Variants in DNAH14 observed in about 807,000 individuals in gnomAD.
DNAH14 encodes the protein axonemal beta dynein heavy chain 14.
A neutral mutation model predicts 520.9 loss-of-function variants in DNAH14; 478 were observed. That is an observed-to-expected ratio of 0.92 (90% CI 0.85 to 0.99). The LOEUF is 0.99. Among genes scored for constraint, DNAH14 ranks in the 50% least tolerant of loss-of-function variants. The probability of loss-of-function intolerance (pLI) is 0.00; values close to 1 mark genes in which losing one functional copy is unlikely to be tolerated. For synonymous variants in DNAH14, 1,581 were observed against 1,757.2 expected (o/e 0.90, Z 2.51); for missense variants, 4,831 against 5,234.5 (o/e 0.92, Z 2.38).
chr1:225,273,290 G>A (rs996906015), intron 52 of DNAH14, among the ~76,000 whole-genome samples, 165 bp downstream of exon 52: 1 of 152,134 alleles, frequency 6.6e-6, no homozygotes, highest in Non-Finnish European at 1.5e-5. Context: ...AAATTAGCCG[G>A]GCGTGGTGAT....
chr1:225,007,850 G>A (rs548536869), intron 10 of DNAH14, among the ~76,000 whole-genome samples: 1 of 151,712 alleles, frequency 6.6e-6, no homozygotes, highest in South Asian at 2.1e-4. Context: ...GTGGCCAAGA[G>A]AATCACCTAG....
At chr1:225,129,881 A>C (rs983716612) in intron 27 of DNAH14, among the ~76,000 whole-genome samples, 4 of 152,244 alleles carry the variant, frequency 2.6e-5, no homozygotes, top group Non-Finnish European at 5.9e-5. Context: ...GTGAATAGGC[A>C]ATCCACAAAA....
chr1:225,155,036 T>C (rs1032153569), intron 34 of DNAH14, among the ~76,000 whole-genome samples: 15 of 152,056 alleles, frequency 9.9e-5, no homozygotes, highest in African/African-American at 3.1e-4. Context: ...GAAAATACAC[T>C]CAACCCCACA....
At chr1:225,072,907 C>A (rs1487629873) in intron 17 of DNAH14, among the ~76,000 whole-genome samples, 1 of 152,016 alleles carries the variant, frequency 6.6e-6, no homozygotes, top group African/African-American at 2.4e-5. Context: ...TAAGGACCAG[C>A]TGCCAGCCTG....
chr1:225,300,990 A>C lies in DNAH14; in HGVS notation c.8591A>C (p.His2864Pro). ...KIRYLTEQSG[H>P]MDNRQSLLSF... ...AGATATCTTACTGAACAATCTGGTC[A>C]TATGGATAATAGGCAATCTTTACTT... The change falls in exon 56 of 86, where the codon CAT (histidine) becomes CCT (proline). Residue 2864 changes from histidine to proline, a missense_variant. Physicochemically the swap from His to Pro is moderately conservative, Grantham distance 77. Coordinates refer to ENST00000682510, the MANE Select transcript of DNAH14 (RefSeq NM_001367479.1). 1 of 1,550,814 alleles carries C rather than the reference A, an allele frequency of 6.4e-7. No individual in the cohort carries two copies. The highest frequency in any genetic ancestry group is 1.7e-4 in the Middle Eastern group (1 of 5,968).
intron 38 of DNAH14, 66 bp from the exon 39 acceptor site, chr1:225,204,117 A>G (rs1177285968): frequency 6.1e-6 from 5 of 813,028 alleles, no homozygotes; most frequent in African/African-American, 3.6e-5. Flanking sequence ...ATATTGACAT[A>G]TAATCCATTG....
At chr1:225,137,350 T>G (rs2079034620) in intron 27 of DNAH14, among the ~76,000 whole-genome samples, 1 of 151,992 alleles carries the variant, frequency 6.6e-6, no homozygotes, top group Non-Finnish European at 1.5e-5. Context: ...TGTTGTTGTT[T>G]TCTGTTTTGT....
At chr1:225,347,988 G>A (rs903348072) in intron 71 of DNAH14, among the ~76,000 whole-genome samples, 1 of 152,082 alleles carries the variant, frequency 6.6e-6, no homozygotes, top group African/African-American at 2.4e-5. Context: ...TCAGTTAAAT[G>A]ATGCATGAAC....
Position 225,152,081 on chromosome 1 carries a change from T to C in DNAH14, c.5009+8T>C. ...TATCACCATGAATCCCAGGTAAGTA[T>C]CAGTAAATCTAGTGGGAATAGACAC... On this transcript the variant is annotated splice_region_variant and intron_variant, in intron 32 of 85. Coordinates refer to ENST00000682510, the MANE Select transcript of DNAH14 (RefSeq NM_001367479.1). 2 of 1,546,882 alleles carry C rather than the reference T, an allele frequency of 1.3e-6. No individual in the cohort carries two copies. The highest frequency in any genetic ancestry group is 1.7e-6 in the Non-Finnish European group (2 of 1,144,848).
At chr1:225,080,167 A>G (rs897796796) in intron 18 of DNAH14, among the ~76,000 whole-genome samples, 8 of 152,190 alleles carry the variant, frequency 5.3e-5, no homozygotes, top group Non-Finnish European at 1.2e-4. Flanking sequence ...AGACTGCCAA[A>G]TGGGCTCATG....
intron 66 of DNAH14, among the ~76,000 whole-genome samples, chr1:225,334,624 A>G (rs953242139): frequency 7.1e-6 from 1 of 139,914 alleles, no homozygotes; most frequent in Non-Finnish European, 1.7e-5. Context: ...AGAAAAGTTT[A>G]TTTTTCAATA....
intron 28 of DNAH14, among the ~76,000 whole-genome samples, chr1:225,143,963 A>G (rs1451592790): frequency 6.6e-6 from 1 of 152,216 alleles, no homozygotes; most frequent in Admixed American, 6.5e-5. Flanking sequence ...ATTTCTACAA[A>G]GTTCAATTTG....
Position 225,099,781 on chromosome 1 carries a change from T to C in DNAH14, c.3696-932T>C, listed in dbSNP as rs1038010926. On this transcript the variant is annotated intron_variant, in intron 22 of 85. Coordinates refer to ENST00000682510, the MANE Select transcript of DNAH14 (RefSeq NM_001367479.1). ...AATGGTGCAATATAGAGGTTCCTGT[T>C]GGGGTACTCTGAAATCTCCAGCAAT... Among the ~76,000 whole-genome samples, 108 of 152,126 alleles carry C rather than the reference T, an allele frequency of 7.1e-4. 1 individual carries two copies. The highest frequency in any genetic ancestry group is 1.2e-4 in the Non-Finnish European group (8 of 68,026).
chr1:225,219,897 GA>G (rs2089868335), intron 41 of DNAH14, among the ~76,000 whole-genome samples: 1 of 152,048 alleles, frequency 6.6e-6, no homozygotes, highest in South Asian at 2.1e-4. Flanking sequence ...ACATCAATGT[GA>G]AAATCCTCAA....
chr1:225,172,581 G>C (rs1157358508), intron 36 of DNAH14, among the ~76,000 whole-genome samples: 1 of 152,152 alleles, frequency 6.6e-6, no homozygotes, highest in Non-Finnish European at 1.5e-5. Context: ...TCTTCAAGGA[G>C]AATTACAAAC....
intron 17 of DNAH14, among the ~76,000 whole-genome samples, chr1:225,062,543 C>T (rs1268213871): frequency 1.4e-5 from 1 of 72,562 alleles, no homozygotes; most frequent in Non-Finnish European, 4.6e-5. Context: ...AAGAAGGAAG[C>T]TATGAAGAAA....
At chr1:225,265,421 T>C in intron 48 of DNAH14, 52 bp downstream of exon 48, 15 of 1,415,382 alleles carry the variant, frequency 1.1e-5, no homozygotes, top group Middle Eastern at 1.9e-4. Flanking sequence ...AGTCAAGTGA[T>C]AGTTTATTTT....
chr1:225,392,357 TCACCCACC>T lies in DNAH14; in HGVS notation c.13398_13405del (p.Phe4466LeufsTer8). The T allele has an allele frequency of 6.4e-7, 1 of 1,552,300 alleles. No homozygotes were observed. On this transcript the variant is annotated frameshift_variant, in exon 84 of 86. Transcript: ENST00000682510. LOFTEE classifies it high-confidence loss of function. ...GGAATCGCTGTGGATGCCCTCACCTTCACCCACCATGTGATTTCCAACACCACTGACAA... is the reference window on the plus strand; with the variant it reads ...GGAATCGCTGTGGATGCCCTCACCTTATGTGATTTCCAACACCACTGACAA...
Position 225,277,401 on chromosome 1 carries a change from A to C in DNAH14, c.8179-9A>C, listed in dbSNP as rs2093512359. ...ATAATCCATTTATTTGTCACATTTG[A>C]TCTGCTAGCTTTCTCATTCCATGGT... is the stretch of plus-strand genomic sequence containing the variant. On this transcript the variant is annotated splice_polypyrimidine_tract_variant and intron_variant, in intron 53 of 85. Coordinates refer to ENST00000682510, the MANE Select transcript of DNAH14 (RefSeq NM_001367479.1). 2.1e-6 allele frequency: 1 copy of C among 466,886 alleles called. No individual in the cohort carries two copies. Among genetic ancestry groups the C allele is most frequent in the Non-Finnish European group, 4.4e-6 (1 of 225,006 alleles). The allele number at this position is 466,886 out of a possible 1,614,324, so 28.9% of individuals were successfully genotyped here.
Sources: gnomAD v4.1 joint callset for allele counts (sites outside exome capture counted in the v4.1 genomes callset) on GRCh38, gnomAD v4.1.1 for gene constraint, MANE v1.5 for transcripts, NCBI Gene and HGNC (gene_info 2026-07-23, HGNC 2026-07-21) for gene names.